The following NUCB2 variants were observed in gnomAD, a reference collection of about 807,000 sequenced individuals.
The protein encoded by NUCB2 is nucleobindin 2, also known as nucleobindin-2.
Under a neutral mutation model 57.9 loss-of-function variants are expected in NUCB2, and 48 were observed. The observed-to-expected ratio is 0.83, with a 90% CI of 0.66 to 1.05. The LOEUF is 1.05. Among genes scored for constraint, NUCB2 ranks in the 50% least tolerant of loss-of-function variants. The pLI is 0.00. For synonymous variants in NUCB2, 139 were observed against 152.1 expected, an observed-to-expected ratio of 0.91 and a Z score of 0.64; for missense variants, 442 against 476.2, an observed-to-expected ratio of 0.93 and a Z score of 0.67.
Position 17,309,594 on chromosome 11 carries a change from T to C in NUCB2, c.402T>C (p.Ala134=), listed in dbSNP as rs759084666. 3 of 1,597,988 alleles carry C rather than the reference T, an allele frequency of 1.9e-6. No individual in the cohort carries two copies. Among genetic ancestry groups the C allele is most frequent in the Non-Finnish European group, 2.6e-6 (3 of 1,174,038 alleles). ...SLQDIGMDHQ[A]LLKQFDHLNH... ...CAGATATAGGCATGGACCACCAAGC[T>C]CTTCTAAAACAATTTGATCACCTAA... The change falls in exon 6 of 14, where the codon GCT becomes GCC. Residue 134 remains alanine (A), a synonymous_variant. Transcript: ENST00000529010.
At chr11:17,301,707 G>GT (rs1476777974) in intron 4 of NUCB2, 37 bp from the exon 5 acceptor site, 8 of 1,538,294 alleles carry the variant, frequency 5.2e-6, no homozygotes, top group Non-Finnish European at 7.2e-6. Context: ...AAAATGGAAT[G>GT]TAATAGATAA....
rs182694868 is a variant in NUCB2, at chr11:17,313,075, T to C, written c.912+955T>C. Among the ~76,000 whole-genome samples the C allele has an allele frequency of 2.9e-4, 44 of 152,118 alleles. No individual in the cohort carries two copies. The East Asian group carries it at 7.9e-3, about 27-fold the overall frequency. ...GTTGCCCAGGCTGTCAGCTAACTTT[T>C]TAATTTTTGGAGACACAAGGTCTTG... On this transcript the variant is annotated intron_variant, in intron 10 of 13. Coordinates refer to ENST00000529010, the MANE Select transcript of NUCB2 (RefSeq NM_005013.4).
intron 11 of NUCB2, among the ~76,000 whole-genome samples, chr11:17,329,765 T>C (rs1231633822): frequency 1.3e-5 from 2 of 152,186 alleles, no homozygotes; most frequent in African/African-American, 4.8e-5. Context: ...TCACCTGATG[T>C]TTGCTTCTTG....
At chr11:17,324,854 T>A (rs1950480038) in intron 11 of NUCB2, among the ~76,000 whole-genome samples, 1 of 151,366 alleles carries the variant, frequency 6.6e-6, no homozygotes, top group Non-Finnish European at 1.5e-5. Context: ...CTGGCTAGAG[T>A]GCAGTGGCGC....
chr11:17,314,039 A>G (rs937912992), intron 10 of NUCB2, among the ~76,000 whole-genome samples: 5 of 151,776 alleles, frequency 3.3e-5, no homozygotes, highest in Non-Finnish European at 7.4e-5. Flanking sequence ...CTTCAAACCC[A>G]GATCTGTTCC....
intron 2 of NUCB2, among the ~76,000 whole-genome samples, chr11:17,285,743 C>CAAAAA (rs1159389193): frequency 5.5e-5 from 2 of 36,106 alleles, no homozygotes; most frequent in African/African-American, 2.1e-4. Flanking sequence ...GACTCCGTCT[C>CAAAAA]AAAAAAAAAA....
At chr11:17,346,306 A>G (rs967049959) in intron 2 of NUCB2, among the ~76,000 whole-genome samples, 3 of 152,066 alleles carry the variant, frequency 2.0e-5, no homozygotes, top group Non-Finnish European at 4.4e-5. Flanking sequence ...TAAGAGATAC[A>G]AAAAATACTG....
Position 17,331,790 on chromosome 11 carries a change from T to TA in NUCB2, c.*372dup. 5.5e-6 allele frequency: 1 copy of TA among 180,426 alleles called. No individual in the cohort carries two copies. Among genetic ancestry groups the TA allele is most frequent in the Admixed American group, 6.2e-5 (1 of 16,142 alleles). 11.2% of individuals were successfully genotyped at this position (180,426 alleles called of 1,614,324 possible). ...GCTTTTAAATTAGATTGCTCTCACT[T>TA]ACTCGTAAACATAGGTATTCTTTTA... is the stretch of plus-strand genomic sequence containing the variant. On this transcript the variant is annotated 3_prime_UTR_variant, in exon 14 of 14. Transcript: ENST00000529010.
At chr11:17,297,386 C>T (rs1945994616) in intron 4 of NUCB2, among the ~76,000 whole-genome samples, 1 of 152,120 alleles carries the variant, frequency 6.6e-6, no homozygotes, top group African/African-American at 2.4e-5. Flanking sequence ...TCTGTCAGCG[C>T]TCAGGTGTGG....
rs1419475472 is a variant in NUCB2 at position 17,299,797 on chromosome 11, G to A, written c.253-1947G>A. ...CATGCATCTGTAGTCCTAGCTACTC[G>A]GGAGGTTGAGGTGGGAGGACTGCTT... On this transcript the variant is annotated intron_variant, in intron 4 of 13. Transcript: ENST00000529010. Among the ~76,000 whole-genome samples the A allele has an allele frequency of 1.2e-4, 18 of 152,130 alleles. 1 individual carries two copies. In the East Asian group the frequency reaches 1.4e-3, roughly 11 times the overall value.
In NUCB2 at chr11:17,300,467, T is replaced by C. The variant is rs1049867967; in HGVS notation, c.253-1277T>C. Reference sequence around the variant, plus strand: ...TTTCCCCAACCACAGCAAATCTACTTTTCATCTCTGTGGATTTGCCTGTTC... The same window carrying C: ...TTTCCCCAACCACAGCAAATCTACTCTTCATCTCTGTGGATTTGCCTGTTC... On this transcript the variant is annotated intron_variant, in intron 4 of 13. Coordinates refer to ENST00000529010, the MANE Select transcript of NUCB2 (RefSeq NM_005013.4). Among the ~76,000 whole-genome samples the C allele has an allele frequency of 1.7e-4, 26 of 152,158 alleles. 1 individual carries two copies. The highest frequency in any genetic ancestry group is 1.7e-3 in the Admixed American group (26 of 15,272).
chr11:17,327,399 T>C (rs1477428188), intron 11 of NUCB2, among the ~76,000 whole-genome samples: 1 of 152,178 alleles, frequency 6.6e-6, no homozygotes, highest in Non-Finnish European at 1.5e-5. Context: ...GTAGTTTGAT[T>C]ATTAAATGCC....
rs534415941 is a variant in NUCB2, at chr11:17,347,228, C to T, written n.2627-2117C>T. Among the ~76,000 whole-genome samples, 5 of 152,300 alleles carry T rather than the reference C, an allele frequency of 3.3e-5. No individual in the cohort carries two copies. In the South Asian group the frequency reaches 8.3e-4, roughly 25 times the overall value. Reference sequence around the variant, plus strand: ...GTCACAGGTGATACACAAAGGGTTACGTTCTTTTGAGTTTCCCATTTTGAG... The same window carrying T: ...GTCACAGGTGATACACAAAGGGTTATGTTCTTTTGAGTTTCCCATTTTGAG... On this transcript the variant is annotated intron_variant and non_coding_transcript_variant, in intron 2 of 2. Transcript: ENST00000532240.
At chr11:17,280,483 G>A (rs1301264222) in intron 1 of NUCB2, among the ~76,000 whole-genome samples, 1 of 152,186 alleles carries the variant, frequency 6.6e-6, no homozygotes, top group Non-Finnish European at 1.5e-5. Context: ...TGGTGCCATG[G>A]AGAAACTCAA....
chr11:17,288,948 CACATATATATAT>C (rs1944413022), intron 2 of NUCB2, among the ~76,000 whole-genome samples: 2 of 57,192 alleles, frequency 3.5e-5, no homozygotes, highest in African/African-American at 2.6e-4. Flanking sequence ...CACACACACA[CACATATATATAT>C]ATATTTTTTT....
At chr11:17,311,624 C>A (rs544887838) in intron 8 of NUCB2, among the ~76,000 whole-genome samples, 228 of 152,202 alleles carry the variant, frequency 1.5e-3, no homozygotes, top group African/African-American at 5.3e-3. Context: ...TATTGCTTTA[C>A]TTTATATTTT....
intron 5 of NUCB2, among the ~76,000 whole-genome samples, chr11:17,307,834 T>C (rs1947920459): frequency 6.6e-6 from 1 of 152,192 alleles, no homozygotes; most frequent in South Asian, 2.1e-4. Flanking sequence ...TTGATAGATA[T>C]TGCCACATTT....
At chr11:17,320,615 C>A (rs1184467255) in intron 11 of NUCB2, among the ~76,000 whole-genome samples, 1 of 152,030 alleles carries the variant, frequency 6.6e-6, no homozygotes, top group Non-Finnish European at 1.5e-5. Flanking sequence ...CGAGATTGCA[C>A]CCCAGCACTC....
At chr11:17,319,696 G>T (rs757833102) in intron 11 of NUCB2, among the ~76,000 whole-genome samples, 1 of 151,892 alleles carries the variant, frequency 6.6e-6, no homozygotes, top group Non-Finnish European at 1.5e-5. Context: ...ATCTCCAGTT[G>T]CAATCCAACA....
Sources: allele counts gnomAD v4.1 joint callset (sites outside exome capture counted in the v4.1 genomes callset), GRCh38; gene constraint gnomAD v4.1.1; transcripts MANE v1.5; gene names NCBI Gene and HGNC (gene_info 2026-07-23, HGNC 2026-07-21).